Variants in DPP6 observed in about 807,000 individuals in gnomAD.
The protein encoded by DPP6 is dipeptidyl peptidase like 6.
In DPP6, 69 loss-of-function variants were observed where a neutral mutation model predicts 122.6. The observed-to-expected ratio is 0.56, with a 90% CI of 0.46 to 0.69. DPP6 has a LOEUF of 0.69. DPP6 is among the 30% of genes least tolerant of loss of function. The pLI, the probability that DPP6 is intolerant of heterozygous loss-of-function variation, is 0.00. For synonymous variants in DPP6, 418 were observed against 433.1 expected (o/e 0.97, Z 0.43); for missense variants, 928 against 1,116.9 (o/e 0.83, Z 2.41).
chr7:153,951,465 C>G lies in DPP6; in HGVS notation c.51+63731C>G, dbSNP rs529090024. On this transcript the variant is annotated intron_variant, in intron 1 of 25. Transcript: ENST00000404039. ...ACGAGACTGAGGATTGAGCTCCACT[C>G]TTTTCCACTCTGTCACCGAATGTGT... Among the ~76,000 whole-genome samples the G allele has an allele frequency of 3.3e-5, 5 of 152,246 alleles. No individual in the cohort carries two copies. The South Asian group carries it at 1.0e-3, about 32-fold the overall frequency.
At chr7:154,803,188 C>T (rs1798482951) in intron 13 of DPP6, among the ~76,000 whole-genome samples, 1 of 152,222 alleles carries the variant, frequency 6.6e-6, no homozygotes, top group Admixed American at 6.5e-5. Flanking sequence ...TCTGCGCCCA[C>T]CTCCCAGGGC....
chr7:154,170,333 T>C (rs976069364), intron 1 of DPP6, among the ~76,000 whole-genome samples: 2 of 152,170 alleles, frequency 1.3e-5, no homozygotes, highest in Non-Finnish European at 2.9e-5. Flanking sequence ...CTAATATCCC[T>C]TATCCTTCCT....
intron 5 of DPP6, among the ~76,000 whole-genome samples, chr7:154,626,536 G>A (rs906448403): frequency 2.6e-5 from 4 of 152,216 alleles, no homozygotes; most frequent in Non-Finnish European, 5.9e-5. Context: ...AACAACTAGG[G>A]ATTGATCAGA....
At chr7:154,531,545 C>T (rs1487119614) in intron 3 of DPP6, among the ~76,000 whole-genome samples, 1 of 152,108 alleles carries the variant, frequency 6.6e-6, no homozygotes, top group African/African-American at 2.4e-5. Flanking sequence ...GGAATTTCAT[C>T]ACGGAAGAAA....
At chr7:154,778,811 A>G (rs1309898008) in intron 10 of DPP6, among the ~76,000 whole-genome samples, 1 of 144,716 alleles carries the variant, frequency 6.9e-6, no homozygotes, top group Non-Finnish European at 1.5e-5. Flanking sequence ...CACAACCTCT[A>G]CAACTTCCAA....
chr7:154,111,929 C>G (rs576181604), intron 1 of DPP6, among the ~76,000 whole-genome samples: 1 of 152,274 alleles, frequency 6.6e-6, no homozygotes, highest in African/African-American at 2.4e-5. Context: ...TGGTGAAACA[C>G]ACATATTCCT....
Position 154,060,462 on chromosome 7 carries a change from CT to C in DPP6, c.243+7400del, listed in dbSNP as rs1330781708. On this transcript the variant is annotated intron_variant, in intron 1 of 25. Transcript: ENST00000377770. ...GACTGCGAGCCAGACCCTCTTCCCC[CT>C]CTGGCTTAGGACCTCCATCGTTGAT... Among the ~76,000 whole-genome samples, 1,084 of 141,666 alleles carry C rather than the reference CT, an allele frequency of 7.7e-3. 155 individuals are homozygous for C. The highest frequency in any genetic ancestry group is 0.028 in the African/African-American group (1,016 of 35,726). The allele number at this position is 141,666 out of a possible 152,430, so 92.9% of individuals were successfully genotyped here. A position where few individuals can be genotyped will look rare whatever the true frequency, so the allele number is the denominator to read the frequency against.
chr7:154,372,455 C>T (rs1301589440), intron 1 of DPP6, among the ~76,000 whole-genome samples: 1 of 152,176 alleles, frequency 6.6e-6, no homozygotes, highest in African/African-American at 2.4e-5. Context: ...ACACACTGTG[C>T]CTGGCCGTGC....
chr7:154,861,670 A>ATACTT (rs1298378599), intron 17 of DPP6, among the ~76,000 whole-genome samples: 1 of 152,224 alleles, frequency 6.6e-6, no homozygotes, highest in Non-Finnish European at 1.5e-5. Context: ...GATACATTAC[A>ATACTT]TACTTTGATA....
intron 8 of DPP6, among the ~76,000 whole-genome samples, chr7:154,752,763 A>G (rs1843458530): frequency 6.6e-6 from 1 of 152,224 alleles, no homozygotes; most frequent in Non-Finnish European, 1.5e-5. Context: ...TGTGGATGGC[A>G]CAGACTGGTC....
chr7:154,547,283 C>A (rs767619720), intron 4 of DPP6, among the ~76,000 whole-genome samples: 5 of 152,212 alleles, frequency 3.3e-5, no homozygotes, highest in African/African-American at 9.6e-5. Context: ...GGGAAACAGC[C>A]GTGTTTTTGT....
the DPP6 span, among the ~76,000 whole-genome samples, chr7:153,785,205 C>G: frequency 6.6e-6 from 1 of 152,166 alleles, no homozygotes. Flanking sequence ...TGGACTGCCA[C>G]AAACCCCCGT....
At chr7:154,122,104 T>C (rs945584749) in intron 1 of DPP6, among the ~76,000 whole-genome samples, 14 of 152,264 alleles carry the variant, frequency 9.2e-5, no homozygotes, top group Admixed American at 1.3e-4. Flanking sequence ...GACACAGCTT[T>C]AGAAACAATG....
intron 1 of DPP6, among the ~76,000 whole-genome samples, chr7:154,383,687 C>T (rs1050886865): frequency 3.3e-5 from 5 of 151,988 alleles, no homozygotes; most frequent in African/African-American, 1.2e-4. Context: ...GTCAGGAGTT[C>T]GAGACCAGCC....
intron 1 of DPP6, among the ~76,000 whole-genome samples, chr7:153,903,989 C>A (rs1182597006): frequency 6.6e-6 from 1 of 152,134 alleles, no homozygotes; most frequent in Admixed American, 6.5e-5. Context: ...TCTCTGTTGC[C>A]TAAGCAAAGG....
chr7:153,924,978 A>G (rs1800822911), intron 1 of DPP6, among the ~76,000 whole-genome samples: 1 of 152,110 alleles, frequency 6.6e-6, no homozygotes, highest in Non-Finnish European at 1.5e-5. Context: ...CTACCTAGCT[A>G]CACTTGGTCT....
At chr7:154,688,523 G>A (rs1839757840) in intron 7 of DPP6, among the ~76,000 whole-genome samples, 1 of 152,092 alleles carries the variant, frequency 6.6e-6, no homozygotes, top group South Asian at 2.1e-4. Flanking sequence ...TAGAGGGACA[G>A]AACTAACAGG....
chr7:154,392,912 G>A (rs934379296), intron 1 of DPP6, among the ~76,000 whole-genome samples: 2 of 152,164 alleles, frequency 1.3e-5, no homozygotes, highest in Non-Finnish European at 2.9e-5. Flanking sequence ...TGCCTACTCG[G>A]GAGACATCAG....
the DPP6 span, among the ~76,000 whole-genome samples, chr7:153,777,232 C>A: frequency 6.6e-6 from 1 of 152,210 alleles, no homozygotes; most frequent in Non-Finnish European, 1.5e-5. Flanking sequence ...AACAAAGCAA[C>A]AAGCTGACCA....
Sources: allele counts gnomAD v4.1 joint callset (sites outside exome capture counted in the v4.1 genomes callset), GRCh38; gene constraint gnomAD v4.1.1; transcripts MANE v1.5; gene names NCBI Gene and HGNC (gene_info 2026-07-23, HGNC 2026-07-21).